The following AHI1 variants were observed in gnomAD, a reference collection of about 807,000 sequenced individuals.
The protein encoded by AHI1 is Abelson helper integration site 1.
AHI1 carries 123 observed loss-of-function variants against 149.3 expected under a neutral mutation model. The ratio of observed to expected loss-of-function variants is 0.82; its 90% CI spans 0.71 to 0.96. The LOEUF (loss-of-function observed/expected upper bound fraction) is 0.96. Ranked by LOEUF, AHI1 falls within the 40% of genes least tolerant of loss-of-function variation. The pLI is 0.00. For synonymous variants in AHI1, 475 were observed against 459.8 expected (o/e 1.03, Z -0.42); for missense variants, 1,439 against 1,422.7 (o/e 1.01, Z -0.18).
intron 26 of AHI1, among the ~76,000 whole-genome samples, chr6:135,317,698 T>C (rs1222491075): frequency 6.6e-6 from 1 of 152,112 alleles, no homozygotes; most frequent in Non-Finnish European, 1.5e-5. Context: ...TGGGGATTAA[T>C]AGAGCGCATG....
At chr6:135,361,324 T>A (rs535133195) in intron 23 of AHI1, among the ~76,000 whole-genome samples, 1 of 152,184 alleles carries the variant, frequency 6.6e-6, no homozygotes, top group Non-Finnish European at 1.5e-5. Context: ...TAAACTGATA[T>A]ATTTATCTTT....
At chr6:135,462,555 A>C (rs932848951) in intron 8 of AHI1, among the ~76,000 whole-genome samples, 17 of 152,216 alleles carry the variant, frequency 1.1e-4, no homozygotes, top group Non-Finnish European at 2.4e-4. Context: ...TCTATGACCC[A>C]ATAGCAACTA....
At chr6:135,458,684 A>C (rs1310406946) in intron 8 of AHI1, among the ~76,000 whole-genome samples, 3 of 152,166 alleles carry the variant, frequency 2.0e-5, no homozygotes, top group African/African-American at 7.2e-5. Flanking sequence ...AAACCAGCGG[A>C]TATTTTGGCA....
At chr6:135,476,320 A>T (rs1792627605) in intron 5 of AHI1, among the ~76,000 whole-genome samples, 1 of 151,808 alleles carries the variant, frequency 6.6e-6, no homozygotes, top group African/African-American at 2.4e-5. Context: ...ATTTTGTATT[A>T]TTTTAAAATT....
chr6:135,456,618 A>G (rs920333647), intron 9 of AHI1, among the ~76,000 whole-genome samples: 6 of 151,908 alleles, frequency 3.9e-5, no homozygotes, highest in South Asian at 2.1e-4. Context: ...TTGAGTTGTC[A>G]TATTTTCTTT....
intron 25 of AHI1, among the ~76,000 whole-genome samples, chr6:135,322,272 T>C (rs542650445): frequency 5.9e-5 from 9 of 152,342 alleles, no homozygotes; most frequent in African/African-American, 2.2e-4. Context: ...AGTGTTGTGC[T>C]TTTCCTAGCA....
intron 23 of AHI1, among the ~76,000 whole-genome samples, chr6:135,381,202 A>G (rs1384225392): frequency 2.0e-5 from 3 of 152,182 alleles, no homozygotes; most frequent in Non-Finnish European, 4.4e-5. Flanking sequence ...AAAAAAGGAA[A>G]AGTGGACTCC....
chr6:135,348,771 G>C (rs1048491682), intron 24 of AHI1, among the ~76,000 whole-genome samples: 1 of 152,128 alleles, frequency 6.6e-6, no homozygotes, highest in Non-Finnish European at 1.5e-5. Flanking sequence ...AGTCAAAAAT[G>C]AATCTATGAA....
At chr6:135,291,926 G>A (rs1443355702) in intron 27 of AHI1, among the ~76,000 whole-genome samples, 1 of 152,118 alleles carries the variant, frequency 6.6e-6, no homozygotes, top group African/African-American at 2.4e-5. Flanking sequence ...CAGAGACAAC[G>A]ATACAATGGA....
intron 23 of AHI1, among the ~76,000 whole-genome samples, chr6:135,365,067 TTGAA>T (rs1398031944): frequency 2.6e-5 from 4 of 152,232 alleles, no homozygotes; most frequent in African/African-American, 9.6e-5. Context: ...GCACCATTTG[TTGAA>T]CAGGGTGTCC....
At chr6:135,352,107 T>C (rs1233597726) in intron 24 of AHI1, among the ~76,000 whole-genome samples, 1 of 152,224 alleles carries the variant, frequency 6.6e-6, no homozygotes, top group Non-Finnish European at 1.5e-5. Flanking sequence ...TGTAGATTTC[T>C]GTAGCTTCAC....
rs1785721329 is a variant in AHI1, at chr6:135,438,300, T to C, written c.2036+75A>G. ...AATACGACTGGAGCATAAGAGTAGTTACATCAGTTTATATTCTCTTTGCTT... is the reference window on the plus strand; with the variant it reads ...AATACGACTGGAGCATAAGAGTAGTCACATCAGTTTATATTCTCTTTGCTT... On this transcript the variant is annotated intron_variant, in intron 15 of 28. Transcript: ENST00000265602. The C allele has an allele frequency of 4.5e-6, 6 of 1,331,440 alleles. No individual in the cohort carries two copies. In the East Asian group the frequency reaches 1.6e-4, roughly 36 times the overall value. 82.5% of individuals were successfully genotyped at this position (1,331,440 alleles called of 1,614,324 possible).
chr6:135,467,679 T>C (rs1365221080), intron 5 of AHI1, 45 bp from the exon 6 acceptor site: 6 of 1,384,942 alleles, frequency 4.3e-6, no homozygotes, highest in Admixed American at 2.0e-5. Flanking sequence ...CGTAGATTAG[T>C]TGTATCAAGA....
At chr6:135,304,148 G>A (rs1293844540) in intron 26 of AHI1, among the ~76,000 whole-genome samples, 2 of 152,106 alleles carry the variant, frequency 1.3e-5, no homozygotes, top group Non-Finnish European at 2.9e-5. Flanking sequence ...GCTAACCTGT[G>A]GGCTCAGGCC....
chr6:135,432,609 C>T (rs957861110), intron 16 of AHI1, among the ~76,000 whole-genome samples: 1 of 152,128 alleles, frequency 6.6e-6, no homozygotes, highest in African/African-American at 2.4e-5. Context: ...ACCTCAGCCT[C>T]CCAAAGTGCT....
At chr6:135,424,967 A>G (rs555078771) in intron 20 of AHI1, among the ~76,000 whole-genome samples, 1 of 152,090 alleles carries the variant, frequency 6.6e-6, no homozygotes, top group African/African-American at 2.4e-5. Flanking sequence ...AATAAAACAT[A>G]AGACAAAACT....
At chr6:135,288,791 T>G (rs562429120) in intron 28 of AHI1, among the ~76,000 whole-genome samples, 3 of 152,096 alleles carry the variant, frequency 2.0e-5, no homozygotes, top group African/African-American at 7.2e-5. Flanking sequence ...AAGAGATTCC[T>G]TGAAGTTGAA....
At chr6:135,313,040 C>G (rs1372744369) in intron 26 of AHI1, among the ~76,000 whole-genome samples, 2 of 152,096 alleles carry the variant, frequency 1.3e-5, no homozygotes, top group Non-Finnish European at 2.9e-5. Flanking sequence ...AATAAAGGAG[C>G]TAAATTTAAG....
At chr6:135,463,828 T>C (rs754344372) in intron 7 of AHI1, among the ~76,000 whole-genome samples, 27 of 152,166 alleles carry the variant, frequency 1.8e-4, no homozygotes, top group Non-Finnish European at 3.1e-4. Flanking sequence ...CATAGCTCAC[T>C]GCTGCCTCAA....
Sources: allele counts gnomAD v4.1 joint callset (sites outside exome capture counted in the v4.1 genomes callset), GRCh38; gene constraint gnomAD v4.1.1; transcripts MANE v1.5; gene names NCBI Gene and HGNC (gene_info 2026-07-23, HGNC 2026-07-21).